Variants in NELL1 observed in about 807,000 individuals in gnomAD.
NELL1 encodes protein kinase C-binding protein NELL1.
NELL1 carries 76 observed loss-of-function variants against 107.4 expected under a neutral mutation model. That is an observed-to-expected ratio of 0.71 (90% CI 0.59 to 0.86). The LOEUF is 0.86. NELL1 is among the 40% of genes least tolerant of loss of function. NELL1 has a pLI of 0.00. For missense variants in NELL1, 1,024 were observed against 1,005.5 expected (o/e 1.02, Z -0.25); for synonymous variants, 353 against 341.2 (o/e 1.03, Z -0.38).
intron 15 of NELL1, among the ~76,000 whole-genome samples, chr11:21,531,713 A>G (rs1268274232): frequency 6.6e-6 from 1 of 152,188 alleles, no homozygotes; most frequent in Non-Finnish European, 1.5e-5. Flanking sequence ...AATTCCTTGA[A>G]TGAGAGTTGA....
At position 21,253,793 on chromosome 11, in the gene NELL1, CA is replaced by C. The variant is rs554572255; in HGVS notation, c.1549+24346del. 7.1e-3 allele frequency among the ~76,000 whole-genome samples: 1,080 copies of C among 151,950 alleles called. 17 individuals are homozygous for C. Among genetic ancestry groups the C allele is most frequent in the African/African-American group, 0.024 (1,000 of 41,480 alleles). The stretch of plus-strand genomic sequence containing the variant: ...CAGGGATGTGACGGTTAAAACAAAA[CA>C]AAAAAACACAGCTTCTGCCATTGAA... On this transcript the variant is annotated intron_variant, in intron 14 of 19. Transcript: ENST00000357134.
intron 12 of NELL1, among the ~76,000 whole-genome samples, chr11:21,088,709 C>G (rs1854455524): frequency 6.6e-6 from 1 of 152,114 alleles, no homozygotes; most frequent in Non-Finnish European, 1.5e-5. Context: ...TACCTCACGT[C>G]TAATTTTTTT....
At chr11:21,517,485 T>A (rs1418947362) in intron 15 of NELL1, among the ~76,000 whole-genome samples, 1 of 152,166 alleles carries the variant, frequency 6.6e-6, no homozygotes, top group Non-Finnish European at 1.5e-5. Context: ...CTCTCTAGTT[T>A]ACCAACACCT....
chr11:21,140,788 G>T (rs183983003), intron 13 of NELL1, among the ~76,000 whole-genome samples: 1 of 152,060 alleles, frequency 6.6e-6, no homozygotes, highest in South Asian at 2.1e-4. Flanking sequence ...GAAATTAATC[G>T]TCATCTAGCT....
intron 13 of NELL1, among the ~76,000 whole-genome samples, chr11:21,151,686 G>C (rs952561843): frequency 6.6e-6 from 1 of 152,174 alleles, no homozygotes; most frequent in East Asian, 1.9e-4. Flanking sequence ...TCCTAGCATA[G>C]AGTAAGCTCT....
At chr11:20,732,382 T>C (rs1855667027) in intron 2 of NELL1, among the ~76,000 whole-genome samples, 1 of 152,326 alleles carries the variant, frequency 6.6e-6, no homozygotes, top group African/African-American at 2.4e-5. Context: ...CATGGATTTT[T>C]GTCCTTTTGT....
At chr11:21,574,849 T>C in intron 19 of NELL1, 123 bp from the exon 20 acceptor site, 1 of 775,876 alleles carries the variant, frequency 1.3e-6, no homozygotes, top group South Asian at 1.7e-5. Flanking sequence ...TTTCTAGTCA[T>C]TTTTTATAGC....
intron 15 of NELL1, among the ~76,000 whole-genome samples, chr11:21,480,828 C>T (rs1211496641): frequency 6.6e-6 from 1 of 152,122 alleles, no homozygotes. Flanking sequence ...ATTTTGTGCT[C>T]AATATGTCCC....
chr11:21,188,066 T>G (rs1856970976), intron 13 of NELL1, among the ~76,000 whole-genome samples: 1 of 151,896 alleles, frequency 6.6e-6, no homozygotes, highest in Admixed American at 6.6e-5. Context: ...TTTCCTTCCC[T>G]TTACTTTTAG....
chr11:20,806,729 A>G (rs1047859833), intron 3 of NELL1, among the ~76,000 whole-genome samples: 1 of 151,246 alleles, frequency 6.6e-6, no homozygotes, highest in Non-Finnish European at 1.5e-5. Flanking sequence ...ATAGTGTTTT[A>G]TTTATTTATT....
intron 13 of NELL1, among the ~76,000 whole-genome samples, chr11:21,129,808 G>A (rs977178832): frequency 1.3e-5 from 2 of 152,164 alleles, no homozygotes; most frequent in Admixed American, 6.6e-5. Flanking sequence ...AGTTTTACAA[G>A]ATGAAAAGAG....
chr11:21,158,198 G>T (rs555738792), intron 13 of NELL1, among the ~76,000 whole-genome samples: 6 of 152,182 alleles, frequency 3.9e-5, no homozygotes, highest in Non-Finnish European at 8.8e-5. Context: ...TTTAGCCAGG[G>T]CCTCTTGGGC....
intron 11 of NELL1, among the ~76,000 whole-genome samples, chr11:20,949,883 T>A (rs1298476458): frequency 1.3e-5 from 2 of 152,208 alleles, no homozygotes; most frequent in African/African-American, 4.8e-5. Flanking sequence ...GCTTTCTTTT[T>A]CATACCAGTT....
intron 12 of NELL1, among the ~76,000 whole-genome samples, chr11:21,084,600 C>G (rs1207094624): frequency 6.6e-6 from 1 of 152,112 alleles, no homozygotes. Context: ...GCAGGGCTAA[C>G]TCTAGGGGCA....
chr11:20,810,594 T>C (rs1857481237), intron 3 of NELL1, among the ~76,000 whole-genome samples: 2 of 152,186 alleles, frequency 1.3e-5, no homozygotes, highest in Non-Finnish European at 2.9e-5. Context: ...ATATATACCA[T>C]AGTTTCTTTA....
At chr11:21,278,709 C>A (rs546855577) in intron 14 of NELL1, among the ~76,000 whole-genome samples, 3 of 152,158 alleles carry the variant, frequency 2.0e-5, no homozygotes, top group South Asian at 4.1e-4. Context: ...TCAGTTCTAC[C>A]AAATTTGATT....
At chr11:21,446,829 G>T (rs985201945) in intron 15 of NELL1, among the ~76,000 whole-genome samples, 3 of 152,184 alleles carry the variant, frequency 2.0e-5, no homozygotes, top group African/African-American at 7.2e-5. Context: ...ACATTGTGAG[G>T]CCAGCCAGTC....
chr11:21,190,363 A>G (rs1299667798), intron 13 of NELL1, among the ~76,000 whole-genome samples: 2 of 151,782 alleles, frequency 1.3e-5, no homozygotes, highest in Admixed American at 6.6e-5. Context: ...AAAACAAAAA[A>G]CAAACAAGCA....
intron 15 of NELL1, among the ~76,000 whole-genome samples, chr11:21,514,517 C>T (rs78324028): frequency 0.063 from 9,657 of 152,308 alleles, 1,044 homozygotes; most frequent in African/African-American, 0.22. Flanking sequence ...GCAGCACCTG[C>T]TCCTCATGTT....
Sources: allele counts gnomAD v4.1 joint callset (sites outside exome capture counted in the v4.1 genomes callset), GRCh38; gene constraint gnomAD v4.1.1; transcripts MANE v1.5; gene names NCBI Gene and HGNC (gene_info 2026-07-23, HGNC 2026-07-21).